Variants in CYP2W1 observed in about 807,000 individuals in gnomAD.
The protein encoded by CYP2W1 is cytochrome P450 family 2 subfamily W member 1.
In CYP2W1, 51 loss-of-function variants were observed where a neutral mutation model predicts 44.9. That is an observed-to-expected ratio of 1.14 (90% confidence interval 0.91 to 1.43). CYP2W1 has a LOEUF of 1.43. Among genes scored for constraint, CYP2W1 ranks in the 40% most tolerant of loss-of-function variants. The pLI, the probability that CYP2W1 is intolerant of heterozygous loss-of-function variation, is 0.00. For synonymous variants in CYP2W1, 383 were observed against 338.3 expected (o/e 1.13, Z -1.45); for missense variants, 746 against 700.0 (o/e 1.07, Z -0.74).
chr7:988,612 C>G (rs768623896), intron 8 of CYP2W1, 23 bp from the exon 9 acceptor site: 36 of 1,603,870 alleles, frequency 2.2e-5, no homozygotes, highest in Non-Finnish European at 3.1e-5. Flanking sequence ...GCAGCCCACT[C>G]TGTGCCTGGA....
rs1056718297 is a variant in CYP2W1 at position 986,406 on chromosome 7, C to T, written c.646-218C>T. The T allele has an allele frequency of 2.0e-5, 12 of 597,732 alleles. No individual in the cohort carries two copies. In the African/African-American group the frequency reaches 2.3e-4, roughly 11 times the overall value. 37.0% of individuals were successfully genotyped at this position (597,732 alleles called of 1,614,324 possible). On this transcript the variant is annotated intron_variant, in intron 4 of 8. Coordinates refer to ENST00000308919, the MANE Select transcript of CYP2W1 (RefSeq NM_017781.3). The stretch of plus-strand genomic sequence containing the variant: ...ATGGAAGGAGGTCCTGCTGTGCAAA[C>T]CTGCCTGGCTGTCCCCTTCCGGGAC...
chr7:987,328 G>C lies in CYP2W1; in HGVS notation c.959-19G>C. The C allele has an allele frequency of 1.3e-6, 2 of 1,559,200 alleles. No homozygotes were observed. The highest frequency in any genetic ancestry group is 1.7e-6 in the Non-Finnish European group (2 of 1,154,176). On this transcript the variant is annotated intron_variant, in intron 6 of 8. Coordinates refer to ENST00000308919, the MANE Select transcript of CYP2W1 (RefSeq NM_017781.3). ...CGAGGGATGGCGCTGCCACCCAAGC[G>C]GCCCACCCTTTGCCCCAGGCCGGGT...
chr7:985,803 T>A (rs946017228), intron 4 of CYP2W1, among the ~76,000 whole-genome samples: 3 of 152,180 alleles, frequency 2.0e-5, no homozygotes, highest in African/African-American at 7.2e-5. Context: ...TTGATGTGCG[T>A]TTACCGAAGC....
chr7:985,112 C>T lies in CYP2W1; in HGVS notation c.487+13C>T, dbSNP rs1403962354. ...GATGGCTACAGAGGTGAGCAGGGGG[C>T]CGGGGACGCCCCTCCCCGGGCCTGG... On this transcript the variant is annotated intron_variant, in intron 3 of 8. Coordinates refer to ENST00000308919, the MANE Select transcript of CYP2W1 (RefSeq NM_017781.3). The T allele has an allele frequency of 6.2e-7, 1 of 1,609,738 alleles. No individual in the cohort carries two copies. The highest frequency in any genetic ancestry group is 8.5e-7 in the Non-Finnish European group (1 of 1,178,582).
rs775046567 is a variant in CYP2W1 at position 985,146 on chromosome 7, G to C, written c.488-20G>C. The C allele has an allele frequency of 6.3e-7, 1 of 1,598,982 alleles. No homozygotes were observed. Among genetic ancestry groups the C allele is most frequent in the South Asian group, 1.1e-5 (1 of 89,434 alleles). ...CCCCTCCCCGGGCCTGGACGTGCCTGAGGCCCGTCTCCCTCGCAGGCCGGC... is the reference window on the plus strand; with the variant it reads ...CCCCTCCCCGGGCCTGGACGTGCCTCAGGCCCGTCTCCCTCGCAGGCCGGC... On this transcript the variant is annotated intron_variant, in intron 3 of 8. Coordinates refer to ENST00000308919, the MANE Select transcript of CYP2W1 (RefSeq NM_017781.3).
intron 4 of CYP2W1, 39 bp from the exon 5 acceptor site, chr7:986,585 G>T (rs756136323): frequency 6.2e-7 from 1 of 1,608,292 alleles, no homozygotes; most frequent in African/African-American, 1.3e-5. Flanking sequence ...CAGCCCTGGG[G>T]CTGCGTCCTT....
In CYP2W1 at chr7:988,357, C is replaced by G. The variant is rs1374597979; in HGVS notation, c.1224C>G (p.Gly408=). ...QWQTPGQFNP[G]HFLDANGHFV... The stretch of plus-strand genomic sequence containing the variant: ...AGACCCCAGGCCAGTTCAACCCCGG[C>G]CATTTCCTGGACGCGAATGGGCACT... The change falls in exon 8 of 9, where the codon GGC becomes GGG. Residue 408 remains glycine (G), a synonymous_variant. Coordinates refer to ENST00000308919, the MANE Select transcript of CYP2W1 (RefSeq NM_017781.3). The G allele has an allele frequency of 1.4e-5, 23 of 1,612,576 alleles. No homozygotes were observed. The highest frequency in any genetic ancestry group is 1.9e-5 in the Non-Finnish European group (23 of 1,179,818).
rs528996615 is a variant in CYP2W1 at position 986,963 on chromosome 7, C to G, written c.820-144C>G. ...CTCCTTGTCTGTGAAACGGGGCATC[C>G]ATAGTGCCTGCCTCGGGGACGCTGA... On this transcript the variant is annotated intron_variant, in intron 5 of 8. Transcript: ENST00000308919. The G allele has an allele frequency of 1.0e-4, 135 of 1,328,542 alleles. No individual in the cohort carries two copies. In the African/African-American group the frequency reaches 1.4e-3, roughly 14 times the overall value. 82.3% of individuals were successfully genotyped at this position (1,328,542 alleles called of 1,614,324 possible).
chr7:986,134 AACTC>A lies in CYP2W1; in HGVS notation c.646-486_646-483del, dbSNP rs774795798. 4.7e-4 allele frequency among the ~76,000 whole-genome samples: 71 copies of A among 152,168 alleles called. No individual in the cohort carries two copies. The Middle Eastern group carries it at 0.024, about 51-fold the overall frequency. On this transcript the variant is annotated intron_variant, in intron 4 of 8. Transcript: ENST00000308919. ...TCCTTACCACAGAGACGCCGCGTGG[AACTC>A]ACTACTGGCGATCGCGGACGCCCCA...
rs942420172 is a variant in CYP2W1, at chr7:985,078, G to T, written c.466G>T (p.Gly156Trp). The change falls in exon 3 of 9, where the codon GGG becomes TGG. Residue 156 changes from glycine to tryptophan, a missense_variant. By Grantham distance (184) the Gly-to-Trp change is radical (BLOSUM62 -2). Coordinates refer to ENST00000308919, the MANE Select transcript of CYP2W1 (RefSeq NM_017781.3). ...KILQELKCLSGQLDGYRGRPF... is the reference protein window; with the variant it reads ...KILQELKCLSWQLDGYRGRPF... ...TCTGCAGGAGCTGAAATGCCTCTCTGGGCAGCTGGATGGCTACAGAGGTGA... is the reference window on the plus strand; with the variant it reads ...TCTGCAGGAGCTGAAATGCCTCTCTTGGCAGCTGGATGGCTACAGAGGTGA... 3 of 1,612,342 alleles carry T rather than the reference G, an allele frequency of 1.9e-6. No individual in the cohort carries two copies. In the Admixed American group the frequency reaches 5.0e-5, roughly 27 times the overall value.
In CYP2W1 at chr7:986,510, A is replaced by G. The variant is rs1000364274; in HGVS notation, c.646-114A>G. The G allele has an allele frequency of 3.2e-6, 4 of 1,257,528 alleles. No individual in the cohort carries two copies. The African/African-American group carries it at 6.0e-5, about 19-fold the overall frequency. The allele number at this position is 1,257,528 out of a possible 1,614,324, so 77.9% of individuals were successfully genotyped here. A position where few individuals can be genotyped will look rare whatever the true frequency, so the allele number is the denominator to read the frequency against. ...CCCCCGTTCTGTGGCCGCCTCCAGC[A>G]CATCCACCCAGAGTCCCTGGGCGTG... On this transcript the variant is annotated intron_variant, in intron 4 of 8. Coordinates refer to ENST00000308919, the MANE Select transcript of CYP2W1 (RefSeq NM_017781.3).
At chr7:984,155 C>CA (rs1004682055) in intron 1 of CYP2W1, among the ~76,000 whole-genome samples, 2 of 152,240 alleles carry the variant, frequency 1.3e-5, no homozygotes, top group African/African-American at 4.8e-5. Context: ...TTGAGCCCCC[C>CA]AGGAATTTTG....
chr7:987,092 C>A lies in CYP2W1; in HGVS notation c.820-15C>A. 1.3e-6 allele frequency: 2 copies of A among 1,516,342 alleles called. No individual in the cohort carries two copies. Among genetic ancestry groups the A allele is most frequent in the East Asian group, 2.4e-5 (1 of 41,926 alleles). The allele number at this position is 1,516,342 out of a possible 1,614,324, so 93.9% of individuals were successfully genotyped here. On this transcript the variant is annotated splice_polypyrimidine_tract_variant and intron_variant, in intron 5 of 8. Transcript: ENST00000308919. ...CCCCAGATCATCCCACGAGCCCTGC[C>A]CCACGCCTCTGCAGGGGGATGACCC...
chr7:983,508 C>T, intron 1 of CYP2W1, 123 bp downstream of exon 1: 2 of 1,026,780 alleles, frequency 1.9e-6, no homozygotes, highest in South Asian at 2.5e-5. Flanking sequence ...CCCAGCGGGG[C>T]ACGCAGGAGG....
In CYP2W1 at chr7:987,515, G is replaced by A. The variant is rs770052941; in HGVS notation, c.1127G>A (p.Gly376Asp). The change falls in exon 7 of 9, where the codon GGC becomes GAC. Residue 376 changes from glycine to aspartate, a missense_variant. Coordinates refer to ENST00000308919, the MANE Select transcript of CYP2W1 (RefSeq NM_017781.3). Reference protein sequence around the residue: ...RCTAADTQLGGFLLPKGTPVI... With the variant: ...RCTAADTQLGDFLLPKGTPVI... The stretch of plus-strand genomic sequence containing the variant: ...ACCGCGGCCGACACACAGCTGGGCG[G>A]CTTCCTGCTCCCCAAGGTGGGGCTG... The A allele has an allele frequency of 6.5e-6, 10 of 1,529,504 alleles. No homozygotes were observed. The East Asian group carries it at 2.0e-4, about 30-fold the overall frequency. The allele number at this position is 1,529,504 out of a possible 1,614,324, so 94.7% of individuals were successfully genotyped here.
rs774588175 is a variant in CYP2W1, at chr7:984,470, T to A, written c.233T>A (p.Val78Glu). ...TVHLGRQKTV[V>E]LTGFEAVKEA... ...CACCTGGGGCGCCAGAAGACGGTGG[T>A]GCTGACGGGGTTCGAGGCGGTCAAA... Residue 78 changes from valine (V) to glutamate (E), a missense_variant, in exon 2 of 9, where the codon GTG (valine) becomes GAG (glutamate). Physicochemically the swap from Val to Glu is moderately radical, Grantham distance 121. Coordinates refer to ENST00000308919, the MANE Select transcript of CYP2W1 (RefSeq NM_017781.3). The A allele has an allele frequency of 2.3e-5, 36 of 1,551,440 alleles. No individual in the cohort carries two copies. The South Asian group carries it at 4.0e-4, about 17-fold the overall frequency.
At chr7:984,800 A>G in intron 2 of CYP2W1, 150 bp from the exon 3 acceptor site, 1 of 1,234,584 alleles carries the variant, frequency 8.1e-7, no homozygotes, top group Non-Finnish European at 1.1e-6. Flanking sequence ...AAGAGGGGCC[A>G]GGGCCAGCCC....
At chr7:983,819 G>A (rs930986709) in intron 1 of CYP2W1, among the ~76,000 whole-genome samples, 3 of 152,198 alleles carry the variant, frequency 2.0e-5, no homozygotes, top group Admixed American at 6.5e-5. Context: ...TGTGAAATGG[G>A]AAGAGGACCT....
intron 4 of CYP2W1, 142 bp downstream of exon 4, chr7:985,465 A>C (rs1363127988): frequency 2.1e-6 from 2 of 973,732 alleles, no homozygotes; most frequent in Non-Finnish European, 3.0e-6. Context: ...CAAGGGCCTG[A>C]ATCAGGACCC....
Sources: gnomAD v4.1 joint callset for allele counts (sites outside exome capture counted in the v4.1 genomes callset) on GRCh38, gnomAD v4.1.1 for gene constraint, MANE v1.5 for transcripts, NCBI Gene and HGNC (gene_info 2026-07-23, HGNC 2026-07-21) for gene names.